The following CACNA1D variants were observed in gnomAD, a reference collection of about 807,000 sequenced individuals.
The protein encoded by CACNA1D is calcium voltage-gated channel subunit alpha1 D.
A neutral mutation model predicts 257.1 loss-of-function variants in CACNA1D; 55 were observed. The ratio of observed to expected loss-of-function variants is 0.21; its 90% confidence interval spans 0.17 to 0.27. CACNA1D has a LOEUF of 0.27. CACNA1D is among the 10% of genes least tolerant of loss of function. CACNA1D has a pLI of 1.00. For synonymous variants in CACNA1D, 980 were observed against 1,014.9 expected, an observed-to-expected ratio of 0.97 and a Z score of 0.65; for missense variants, 1,876 against 2,784.0, an observed-to-expected ratio of 0.67 and a Z score of 7.34.
chr3:53,648,534 C>T (rs1235774023), intron 3 of CACNA1D, among the ~76,000 whole-genome samples: 1 of 152,172 alleles, frequency 6.6e-6, no homozygotes, highest in Non-Finnish European at 1.5e-5. Flanking sequence ...GATCGTTCCT[C>T]CAGCAGCCAC....
At chr3:53,584,457 A>G (rs1315968784) in intron 3 of CACNA1D, among the ~76,000 whole-genome samples, 1 of 152,136 alleles carries the variant, frequency 6.6e-6, no homozygotes, top group Non-Finnish European at 1.5e-5. Context: ...CAGAACCTTT[A>G]CCACTTGTTT....
At chr3:53,552,269 T>C (rs188399686) in intron 3 of CACNA1D, among the ~76,000 whole-genome samples, 1 of 152,346 alleles carries the variant, frequency 6.6e-6, no homozygotes, top group East Asian at 1.9e-4. Context: ...TTGACACCTC[T>C]TCATTGTCCC....
chr3:53,497,609 T>C (rs2090406162), intron 2 of CACNA1D, 148 bp downstream of exon 2: 2 of 778,306 alleles, frequency 2.6e-6, no homozygotes, highest in Non-Finnish European at 4.2e-6. Flanking sequence ...TGTATATACC[T>C]TCCTGTCTCT....
rs183788267 is a variant in CACNA1D at position 53,663,340 on chromosome 3, G to A, written c.767-2320G>A. Among the ~76,000 whole-genome samples, 326 of 151,898 alleles carry A rather than the reference G, an allele frequency of 2.1e-3. 2 individuals are homozygous for A. The highest frequency in any genetic ancestry group is 7.7e-3 in the African/African-American group (316 of 41,208). ...AGCAGAAGATGGAAAGTTTGAAGGT[G>A]GAGAGACAACAGGGAAGGACAGGGA... On this transcript the variant is annotated intron_variant, in intron 5 of 47. Coordinates refer to ENST00000350061, the MANE Select transcript of CACNA1D (RefSeq NM_001128840.3).
intron 39 of CACNA1D, chr3:53,786,433 C>T (rs1476425705): frequency 4.3e-6 from 1 of 233,112 alleles, no homozygotes; most frequent in East Asian, 1.0e-4. Flanking sequence ...GGTAGTTATA[C>T]ATGCAAATCC....
chr3:53,683,955 C>T (rs2094453557), intron 8 of CACNA1D, among the ~76,000 whole-genome samples: 1 of 152,146 alleles, frequency 6.6e-6, no homozygotes, highest in African/African-American at 2.4e-5. Context: ...GCAGGGGAAA[C>T]ACAAAGGGAA....
In CACNA1D at chr3:53,811,250, C is replaced by A; in HGVS notation, c.6330C>A (p.Asn2110Lys). Reference sequence around the variant, plus strand: ...CAGCCAGCACCCTGCTTAATGGGAACGTGCGTCCCCGAGCCAACGGGGATG... The same window carrying A: ...CAGCCAGCACCCTGCTTAATGGGAAAGTGCGTCCCCGAGCCAACGGGGATG... ...ESAASTLLNG[N>K]VRPRANGDVG... Residue 2110 changes from asparagine to lysine, a missense_variant, in exon 48 of 48, where the codon AAC becomes AAA. This residue lies in a region of CACNA1D where 491 missense variants were observed against 554.3 expected (regional missense o/e 0.89). Transcript: ENST00000350061. The surrounding 1 kb of genome is among the most constrained non-coding windows in gnomAD (Gnocchi z 4.2). 6.2e-7 allele frequency: 1 copy of A among 1,614,022 alleles called. No homozygotes were observed. The highest frequency in any genetic ancestry group is 8.5e-7 in the Non-Finnish European group (1 of 1,180,042).
chr3:53,573,743 C>T (rs2092989064), intron 3 of CACNA1D, among the ~76,000 whole-genome samples: 1 of 152,182 alleles, frequency 6.6e-6, no homozygotes, highest in Non-Finnish European at 1.5e-5. Flanking sequence ...GCACTCTATA[C>T]ATGGTTGAAT....
intron 3 of CACNA1D, among the ~76,000 whole-genome samples, chr3:53,526,219 C>T (rs1270552879): frequency 1.3e-5 from 2 of 152,140 alleles, no homozygotes; most frequent in African/African-American, 4.8e-5. Context: ...TGTGCGTCAC[C>T]CCTCGACCTG....
chr3:53,586,654 T>G (rs896046976), intron 3 of CACNA1D, among the ~76,000 whole-genome samples: 1 of 152,162 alleles, frequency 6.6e-6, no homozygotes, highest in Non-Finnish European at 1.5e-5. Context: ...TTAGACTATC[T>G]TTACTTCTGT....
At chr3:53,529,360 T>C (rs1335922356) in intron 3 of CACNA1D, among the ~76,000 whole-genome samples, 1 of 152,254 alleles carries the variant, frequency 6.6e-6, no homozygotes, top group Non-Finnish European at 1.5e-5. Context: ...CCTCACTTGG[T>C]CCTGATATAT....
intron 3 of CACNA1D, among the ~76,000 whole-genome samples, chr3:53,558,621 G>T (rs1328371641): frequency 6.6e-6 from 1 of 152,152 alleles, no homozygotes; most frequent in Non-Finnish European, 1.5e-5. Context: ...TCAAAAGGAT[G>T]CTTCTTGCTA....
At chr3:53,570,532 C>CT (rs1303876727) in intron 3 of CACNA1D, among the ~76,000 whole-genome samples, 1 of 152,204 alleles carries the variant, frequency 6.6e-6, no homozygotes, top group Non-Finnish European at 1.5e-5. Context: ...TGGCTTTGAA[C>CT]TGTAAACGTC....
At chr3:53,676,382 T>G (rs1405478144) in intron 8 of CACNA1D, among the ~76,000 whole-genome samples, 2 of 152,192 alleles carry the variant, frequency 1.3e-5, no homozygotes, top group African/African-American at 4.8e-5. Context: ...TTTTTAAATT[T>G]TAGCCTCAAG....
intron 3 of CACNA1D, among the ~76,000 whole-genome samples, chr3:53,554,601 T>A (rs546515534): frequency 2.6e-5 from 4 of 152,360 alleles, no homozygotes; most frequent in African/African-American, 9.6e-5. Flanking sequence ...TCAAATACAT[T>A]CCGCTTCTCT....
intron 4 of CACNA1D, among the ~76,000 whole-genome samples, chr3:53,655,103 A>G (rs576376093): frequency 6.6e-6 from 1 of 152,308 alleles, no homozygotes; most frequent in African/African-American, 2.4e-5. Flanking sequence ...TTTGCTAAGG[A>G]TAATGGCCTC....
chr3:53,768,920 C>A (rs2095350331), intron 30 of CACNA1D, among the ~76,000 whole-genome samples: 1 of 152,216 alleles, frequency 6.6e-6, no homozygotes, highest in Admixed American at 6.5e-5. Flanking sequence ...CAGAAAGCGT[C>A]CTTGAAGCCC....
chr3:53,624,057 G>A (rs1452248471), intron 3 of CACNA1D, among the ~76,000 whole-genome samples: 8 of 152,106 alleles, frequency 5.3e-5, no homozygotes, highest in East Asian at 1.9e-4. Flanking sequence ...GTGCCATGGC[G>A]GATGCTGTGT....
intron 29 of CACNA1D, among the ~76,000 whole-genome samples, chr3:53,759,677 A>G (rs777007587): frequency 2.0e-5 from 3 of 152,252 alleles, no homozygotes; most frequent in Non-Finnish European, 4.4e-5. Context: ...CTGCCCCTCC[A>G]AGTGTGGTCT....
Sources: allele counts gnomAD v4.1 joint callset (sites outside exome capture counted in the v4.1 genomes callset), GRCh38; gene constraint gnomAD v4.1.1; regional missense constraint gnomAD v4.1.1; non-coding constraint Gnocchi (gnomAD v3.1); transcripts MANE v1.5; gene names NCBI Gene and HGNC (gene_info 2026-07-23, HGNC 2026-07-21).